The following LHFPL3 variants were observed in gnomAD, a reference collection of about 807,000 sequenced individuals.
LHFPL3 encodes the protein LHFPL tetraspan subfamily member 3.
Under a neutral mutation model 19.3 loss-of-function variants are expected in LHFPL3, and 5 were observed. The observed-to-expected ratio is 0.26, with a 90% CI of 0.14 to 0.54. The LOEUF (loss-of-function observed/expected upper bound fraction) is 0.54. Among genes scored for constraint, LHFPL3 ranks in the 20% least tolerant of loss-of-function variants. The probability of loss-of-function intolerance (pLI) is 0.94; values close to 1 mark genes in which losing one functional copy is unlikely to be tolerated. For missense variants in LHFPL3, 249 were observed against 307.4 expected (o/e 0.81, Z 1.42); for synonymous variants, 133 against 126.2 (o/e 1.05, Z -0.36).
chr7:104,830,690 A>G (rs1237659908), intron 2 of LHFPL3, among the ~76,000 whole-genome samples: 2 of 151,884 alleles, frequency 1.3e-5, no homozygotes, highest in African/African-American at 2.4e-5. Context: ...CCATTAATCT[A>G]TATCTCTGTT....
At chr7:104,719,633 A>C (rs1462832813) in intron 1 of LHFPL3, among the ~76,000 whole-genome samples, 1 of 152,232 alleles carries the variant, frequency 6.6e-6, no homozygotes, top group Non-Finnish European at 1.5e-5. Flanking sequence ...AACAGTTTTT[A>C]AGCGTCATTT....
At chr7:104,804,932 G>A (rs1024986427) in intron 2 of LHFPL3, among the ~76,000 whole-genome samples, 15 of 152,158 alleles carry the variant, frequency 9.9e-5, no homozygotes, top group South Asian at 2.1e-4. Flanking sequence ...TGGTAATACT[G>A]TTATACAATA....
chr7:104,732,820 A>G (rs960567295), intron 1 of LHFPL3, among the ~76,000 whole-genome samples: 23 of 151,794 alleles, frequency 1.5e-4, no homozygotes, highest in African/African-American at 2.4e-5. Context: ...TCATGTTAGG[A>G]TGTCAATTTT....
At chr7:104,721,625 G>T (rs1279566178) in intron 1 of LHFPL3, among the ~76,000 whole-genome samples, 3 of 152,056 alleles carry the variant, frequency 2.0e-5, no homozygotes, top group African/African-American at 7.2e-5. Flanking sequence ...CTACTCCTAA[G>T]GTAGGGAAAG....
intron 2 of LHFPL3, among the ~76,000 whole-genome samples, chr7:104,890,680 G>A (rs927136416): frequency 6.6e-6 from 1 of 152,248 alleles, no homozygotes; most frequent in Non-Finnish European, 1.5e-5. Context: ...CAGAGGCCAT[G>A]GGAGAAATGG....
chr7:104,680,760 C>A (rs1424677917), intron 1 of LHFPL3, among the ~76,000 whole-genome samples: 1 of 151,870 alleles, frequency 6.6e-6, no homozygotes, highest in African/African-American at 2.4e-5. Context: ...CTTGAAAGAA[C>A]CAGGACAAAA....
chr7:104,386,382 C>G (rs769207138), intron 1 of LHFPL3, among the ~76,000 whole-genome samples: 1 of 152,094 alleles, frequency 6.6e-6, no homozygotes, highest in African/African-American at 2.4e-5. Flanking sequence ...TGTTTAATAC[C>G]ACAGTTGCCT....
chr7:104,901,715 G>A (rs1792488645), intron 2 of LHFPL3, among the ~76,000 whole-genome samples: 2 of 152,038 alleles, frequency 1.3e-5, no homozygotes, highest in South Asian at 4.2e-4. Flanking sequence ...CCACTGGTGT[G>A]CACCATCACA....
intron 1 of LHFPL3, among the ~76,000 whole-genome samples, chr7:104,468,168 C>G (rs1482565100): frequency 6.6e-6 from 1 of 152,214 alleles, no homozygotes; most frequent in East Asian, 1.9e-4. Context: ...CTGCTAGTAT[C>G]GTATCCTCCT....
chr7:104,772,682 T>G (rs1460243444), intron 2 of LHFPL3, among the ~76,000 whole-genome samples: 1 of 152,112 alleles, frequency 6.6e-6, no homozygotes, highest in Non-Finnish European at 1.5e-5. Flanking sequence ...TGCCTCGAGG[T>G]AGAGAAGAAA....
intron 1 of LHFPL3, among the ~76,000 whole-genome samples, chr7:104,586,418 C>A (rs1049325713): frequency 3.3e-5 from 5 of 151,986 alleles, no homozygotes; most frequent in Non-Finnish European, 7.4e-5. Flanking sequence ...TTTTATTTTT[C>A]CTCCATATTT....
At chr7:104,623,857 C>T (rs1013592421) in intron 1 of LHFPL3, among the ~76,000 whole-genome samples, 1 of 152,128 alleles carries the variant, frequency 6.6e-6, no homozygotes, top group Non-Finnish European at 1.5e-5. Flanking sequence ...GCACCCCAAA[C>T]AATGCCATGT....
At chr7:104,813,438 G>A (rs1292395977) in intron 2 of LHFPL3, among the ~76,000 whole-genome samples, 1 of 152,182 alleles carries the variant, frequency 6.6e-6, no homozygotes. Flanking sequence ...CATTTTTCTG[G>A]TCGGAAAACT....
intron 2 of LHFPL3, among the ~76,000 whole-genome samples, chr7:104,862,949 G>T (rs1477589409): frequency 6.6e-6 from 1 of 152,202 alleles, no homozygotes; most frequent in East Asian, 1.9e-4. Context: ...TGTGTAGAAA[G>T]ATGTTGTATA....
chr7:104,680,132 G>A (rs6945225), intron 1 of LHFPL3, among the ~76,000 whole-genome samples: 78,619 of 151,918 alleles, frequency 0.52, 20,642 homozygotes, highest in South Asian at 0.66. Flanking sequence ...AGGAAGGAAC[G>A]CAATGAGCTG....
chr7:104,750,062 G>C (rs112326509), intron 2 of LHFPL3, among the ~76,000 whole-genome samples: 2 of 151,884 alleles, frequency 1.3e-5, no homozygotes, highest in Non-Finnish European at 2.9e-5. Context: ...AATAAATCTC[G>C]ACCCCACAGA....
intron 2 of LHFPL3, among the ~76,000 whole-genome samples, chr7:104,870,892 C>T (rs1188171431): frequency 6.6e-6 from 1 of 152,158 alleles, no homozygotes; most frequent in Non-Finnish European, 1.5e-5. Flanking sequence ...AGGATCTCAA[C>T]TGTAACCTCT....
At chr7:104,657,278 G>A in intron 1 of LHFPL3, among the ~76,000 whole-genome samples, 1 of 152,208 alleles carries the variant, frequency 6.6e-6, no homozygotes, top group East Asian at 1.9e-4. Flanking sequence ...CAGACCAAAT[G>A]AAATGCTGCT....
intron 2 of LHFPL3, among the ~76,000 whole-genome samples, chr7:104,768,088 T>C (rs1422515281): frequency 6.9e-6 from 1 of 144,064 alleles, no homozygotes; most frequent in Non-Finnish European, 1.5e-5. Context: ...TCATGGAAAA[T>C]ACTCATGAAA....
Sources: allele counts gnomAD v4.1 joint callset (sites outside exome capture counted in the v4.1 genomes callset), GRCh38; gene constraint gnomAD v4.1.1; transcripts MANE v1.5; gene names NCBI Gene and HGNC (gene_info 2026-07-23, HGNC 2026-07-21).